The following SLC39A10 variants were observed in gnomAD, a reference collection of about 807,000 sequenced individuals.
SLC39A10 encodes the protein solute carrier family 39 member 10, also known as zinc transporter ZIP10.
A neutral mutation model predicts 65.1 loss-of-function variants in SLC39A10; 13 were observed. That is an observed-to-expected ratio of 0.20 (90% confidence interval 0.13 to 0.32). The LOEUF is 0.32. Ranked by LOEUF, SLC39A10 falls within the 10% of genes least tolerant of loss-of-function variation. The pLI is 1.00. For synonymous variants in SLC39A10, 321 were observed against 342.2 expected (o/e 0.94, Z 0.68); for missense variants, 831 against 1,018.4 (o/e 0.82, Z 2.50).
At chr2:195,638,705 C>T (rs1574211114) in intron 2 of SLC39A10, among the ~76,000 whole-genome samples, 1 of 152,106 alleles carries the variant, frequency 6.6e-6, no homozygotes, top group Non-Finnish European at 1.5e-5. Context: ...CTATATACCC[C>T]CCATCCAGTT....
intron 2 of SLC39A10, 90 bp downstream of exon 2, chr2:195,681,140 T>G: frequency 8.0e-7 from 1 of 1,247,860 alleles, no homozygotes; most frequent in Non-Finnish European, 1.1e-6. Flanking sequence ...AGTGGAGTAT[T>G]AATCATATTT....
chr2:195,638,525 G>A (rs888279231), intron 2 of SLC39A10, among the ~76,000 whole-genome samples: 1 of 151,398 alleles, frequency 6.6e-6, no homozygotes, highest in African/African-American at 2.4e-5. Context: ...TTTTTTTTTA[G>A]TAGAGATGGG....
At position 195,736,025 on chromosome 2, in the gene SLC39A10, G is replaced by A. The variant is rs546657171; in HGVS notation, c.*984G>A. 60 of 152,566 alleles carry A rather than the reference G, an allele frequency of 3.9e-4. No homozygotes were observed. The highest frequency in any genetic ancestry group is 1.3e-3 in the African/African-American group (53 of 41,522). The allele number at this position is 152,566 out of a possible 1,614,324, so 9.5% of individuals were successfully genotyped here. On this transcript the variant is annotated 3_prime_UTR_variant, in exon 10 of 10. Transcript: ENST00000359634. Reference sequence around the variant, plus strand: ...GGCACTGGAACCAAGAGCACATGTCGTGGCTGGCTACAAGGTTGTAAAGCA... The same window carrying A: ...GGCACTGGAACCAAGAGCACATGTCATGGCTGGCTACAAGGTTGTAAAGCA...
At chr2:195,648,702 A>G (rs1010828880) in intron 2 of SLC39A10, among the ~76,000 whole-genome samples, 2 of 152,190 alleles carry the variant, frequency 1.3e-5, no homozygotes, top group African/African-American at 4.8e-5. Context: ...AAATAAAAAT[A>G]GGTTGGATAA....
chr2:195,688,222 C>G (rs1465609733), intron 3 of SLC39A10, among the ~76,000 whole-genome samples: 1 of 151,816 alleles, frequency 6.6e-6, no homozygotes, highest in Non-Finnish European at 1.5e-5. Context: ...TAAAAGATAC[C>G]TTTTGTTTAG....
chr2:195,664,856 A>C (rs1388832213), intron 1 of SLC39A10, among the ~76,000 whole-genome samples: 2 of 152,190 alleles, frequency 1.3e-5, no homozygotes, highest in Non-Finnish European at 2.9e-5. Context: ...TAATAGCACA[A>C]ATTGGAATTA....
At chr2:195,711,642 A>G (rs1043370166) in intron 5 of SLC39A10, among the ~76,000 whole-genome samples, 6 of 152,232 alleles carry the variant, frequency 3.9e-5, no homozygotes, top group African/African-American at 1.4e-4. Context: ...GACAGTCTGC[A>G]CAGAATAATC....
intron 1 of SLC39A10, chr2:195,657,547 T>C (rs1689198084): frequency 1.0e-6 from 1 of 983,608 alleles, no homozygotes; most frequent in Non-Finnish European, 1.2e-6. Flanking sequence ...GGCCGCGGGA[T>C]CGGGAGCCGG....
chr2:195,660,454 C>G (rs1035946133), intron 1 of SLC39A10, among the ~76,000 whole-genome samples: 2 of 152,192 alleles, frequency 1.3e-5, no homozygotes, highest in African/African-American at 4.8e-5. Context: ...GGCTGCCCAG[C>G]CTAACCCACA....
At chr2:195,714,800 T>C (rs1256716364) in intron 6 of SLC39A10, among the ~76,000 whole-genome samples, 1 of 152,178 alleles carries the variant, frequency 6.6e-6, no homozygotes, top group Non-Finnish European at 1.5e-5. Context: ...TCACCCAGGC[T>C]GGAGTGCAGT....
chr2:195,693,794 GT>G (rs1188565185), intron 3 of SLC39A10, among the ~76,000 whole-genome samples: 4 of 151,978 alleles, frequency 2.6e-5, no homozygotes, highest in African/African-American at 7.2e-5. Context: ...GTTTGTTTCA[GT>G]TTTATTTATT....
rs1335674153 is a variant in SLC39A10, at chr2:195,734,950, T to G, written c.2405T>G (p.Ile802Ser). The G allele has an allele frequency of 1.9e-6, 3 of 1,613,270 alleles. No individual in the cohort carries two copies. Among genetic ancestry groups the G allele is most frequent in the Non-Finnish European group, 2.5e-6 (3 of 1,179,672 alleles). ...GGCTTTTGTCCTGTGGGGCAATTCA[T>G]CCTTCAGAATTTAGGATTGCTCTTT... ...EHGFCPVGQF[I>S]LQNLGLLFGF... is the part of the protein sequence containing the mutation. The change falls in exon 10 of 10, where the codon ATC (isoleucine) becomes AGC (serine). Residue 802 changes from isoleucine (I) to serine (S), a missense_variant. Ile to Ser is a moderately radical substitution (Grantham distance 142). Around this residue, in one of 4 missense-constraint regions of SLC39A10, gnomAD observed 120 missense variants for 203.9 expected, o/e 0.59. Transcript: ENST00000359634.
At chr2:195,711,400 T>C (rs1559044871) in intron 5 of SLC39A10, among the ~76,000 whole-genome samples, 2 of 152,210 alleles carry the variant, frequency 1.3e-5, no homozygotes, top group Non-Finnish European at 2.9e-5. Flanking sequence ...AGCTTTTTTG[T>C]AAATTTGAAA....
At chr2:195,709,360 T>C (rs534941757) in intron 5 of SLC39A10, among the ~76,000 whole-genome samples, 1 of 152,142 alleles carries the variant, frequency 6.6e-6, no homozygotes, top group Non-Finnish European at 1.5e-5. Flanking sequence ...GCCTCCTAAG[T>C]GGGTAGGACC....
In SLC39A10 at chr2:195,706,717, C is replaced by T; in HGVS notation, c.1318C>T (p.Leu440Phe). ...IINQGCFKFL[L>F]TFLVALAVGT... ...TAACCAAGGATGCTTCAAATTCCTT[C>T]TTACATTCCTTGTTGCATTAGCTGT... The change falls in exon 4 of 10, where the codon CTT becomes TTT. Residue 440 changes from leucine (L) to phenylalanine (F), a missense_variant. Coordinates refer to ENST00000359634, the MANE Select transcript of SLC39A10 (RefSeq NM_020342.3). 1 of 1,605,110 alleles carries T rather than the reference C, an allele frequency of 6.2e-7. No individual in the cohort carries two copies. The highest frequency in any genetic ancestry group is 1.1e-5 in the South Asian group (1 of 90,032).
In SLC39A10 at chr2:195,735,134, C is replaced by A; in HGVS notation, c.*93C>A. ...GTATGCACATTGCTCAAAGGAAAGT[C>A]AGTGGCTTGCACTACTTACAAGTTT... is the stretch of plus-strand genomic sequence containing the variant. On this transcript the variant is annotated 3_prime_UTR_variant, in exon 10 of 10. Coordinates refer to ENST00000359634, the MANE Select transcript of SLC39A10 (RefSeq NM_020342.3). 1 of 1,326,160 alleles carries A rather than the reference C, an allele frequency of 7.5e-7. No homozygotes were observed. Among genetic ancestry groups the A allele is most frequent in the South Asian group, 1.6e-5 (1 of 64,482 alleles). 82.1% of individuals were successfully genotyped at this position (1,326,160 alleles called of 1,614,324 possible). A position where few individuals can be genotyped will look rare whatever the true frequency, so the allele number is the denominator to read the frequency against.
chr2:195,660,282 G>C (rs1689336730), intron 1 of SLC39A10, among the ~76,000 whole-genome samples: 1 of 152,196 alleles, frequency 6.6e-6, no homozygotes, highest in South Asian at 2.1e-4. Flanking sequence ...ATTTTAAAGT[G>C]ATACCAGTCA....
chr2:195,717,202 T>C (rs1691848447), intron 7 of SLC39A10, 197 bp downstream of exon 7: 1 of 568,260 alleles, frequency 1.8e-6, no homozygotes. Context: ...TTAGAACACG[T>C]AAACAAATGT....
At chr2:195,670,476 C>T (rs1689815605) in intron 1 of SLC39A10, 1 of 152,140 alleles carries the variant, frequency 6.6e-6, no homozygotes, top group Admixed American at 6.6e-5. Context: ...CTGAAGCACA[C>T]ACCCTAATTC....
Sources: gnomAD v4.1 joint callset for allele counts (sites outside exome capture counted in the v4.1 genomes callset) on GRCh38, gnomAD v4.1.1 for gene constraint, gnomAD v4.1.1 regional missense constraint, MANE v1.5 for transcripts, NCBI Gene and HGNC (gene_info 2026-07-23, HGNC 2026-07-21) for gene names.